Variants in RFX6 observed in about 807,000 individuals in gnomAD.
RFX6 encodes DNA-binding protein RFX6.
In RFX6, 50 loss-of-function variants were observed where a neutral mutation model predicts 110.8. That is an observed-to-expected ratio of 0.45 (90% CI 0.36 to 0.57). RFX6 has a LOEUF of 0.57. RFX6 is among the 20% of genes least tolerant of loss of function. The pLI is 0.00. For synonymous variants in RFX6, 383 were observed against 411.2 expected (o/e 0.93, Z 0.83); for missense variants, 990 against 1,127.0 (o/e 0.88, Z 1.74).
intron 4 of RFX6, among the ~76,000 whole-genome samples, chr6:116,892,042 TC>T (rs1424778719): frequency 1.3e-5 from 2 of 152,228 alleles, no homozygotes; most frequent in African/African-American, 4.8e-5. Context: ...GAAAACATCT[TC>T]CCAGTCTTCC....
intron 4 of RFX6, among the ~76,000 whole-genome samples, chr6:116,886,933 C>T (rs756943588): frequency 3.3e-5 from 5 of 151,666 alleles, no homozygotes; most frequent in Admixed American, 6.6e-5. Context: ...CGTGGTGGTG[C>T]GCACCTGTAG....
chr6:116,923,330 C>A, intron 14 of RFX6, 106 bp downstream of exon 14: 1 of 761,848 alleles, frequency 1.3e-6, no homozygotes, highest in South Asian at 1.4e-5. Context: ...ACTTCTTAAA[C>A]TGTATCTGAA....
At position 116,894,053 on chromosome 6, in the gene RFX6, G is replaced by C. The variant is rs1169259295; in HGVS notation, c.633G>C (p.Lys211Asn). The change falls in exon 5 of 19, where the codon AAG (lysine) becomes AAC (asparagine). Residue 211 changes from lysine to asparagine, a missense_variant. Lys to Asn is a moderately conservative substitution (Grantham distance 94). Around this residue, in one of 5 missense-constraint regions of RFX6, gnomAD observed 243 missense variants for 353.1 expected, o/e 0.69. Coordinates refer to ENST00000332958, the MANE Select transcript of RFX6 (RefSeq NM_173560.4). ...SAYYHSVYSG[K>N]GLTRFSGSKL... ...ATTACCACTCCGTTTATTCTGGAAA[G>C]GGCTTGACAAGGTAGAGTTACACCA... 1 of 1,583,098 alleles carries C rather than the reference G, an allele frequency of 6.3e-7. No homozygotes were observed. The highest frequency in any genetic ancestry group is 1.7e-5 in the Admixed American group (1 of 59,940).
chr6:116,914,004 A>T (rs1401298381), intron 7 of RFX6, among the ~76,000 whole-genome samples: 1 of 152,180 alleles, frequency 6.6e-6, no homozygotes, highest in Non-Finnish European at 1.5e-5. Flanking sequence ...CACCCTACAG[A>T]TCTATCCAAC....
intron 15 of RFX6, 85 bp downstream of exon 15, chr6:116,924,876 G>A: frequency 2.0e-6 from 2 of 983,574 alleles, no homozygotes; most frequent in East Asian, 2.5e-5. Context: ...TATTAAGTGG[G>A]TTTATCATAA....
intron 9 of RFX6, among the ~76,000 whole-genome samples, chr6:116,917,625 T>A (rs967412049): frequency 6.6e-6 from 1 of 152,112 alleles, no homozygotes; most frequent in Admixed American, 6.6e-5. Flanking sequence ...ATCCTGACTT[T>A]AAATATCTTT....
intron 14 of RFX6, 90 bp downstream of exon 14, chr6:116,923,314 A>G (rs1582535916): frequency 3.8e-6 from 3 of 780,742 alleles, no homozygotes; most frequent in East Asian, 4.9e-5. Context: ...AACATGTTAC[A>G]TCATCACTTC....
intron 2 of RFX6, among the ~76,000 whole-genome samples, chr6:116,878,485 A>G (rs1774516650): frequency 6.6e-6 from 1 of 152,142 alleles, no homozygotes; most frequent in Admixed American, 6.5e-5. Context: ...AACTATTTTT[A>G]TACCATCTAT....
At chr6:116,895,327 T>C (rs1774920533) in intron 6 of RFX6, 120 bp downstream of exon 6, 2 of 621,474 alleles carry the variant, frequency 3.2e-6, no homozygotes, top group African/African-American at 3.7e-5. Flanking sequence ...TAGGAATTCC[T>C]TGACGAAGGA....
chr6:116,929,456 T>G (rs1452301516), intron 18 of RFX6, among the ~76,000 whole-genome samples: 1 of 152,150 alleles, frequency 6.6e-6, no homozygotes, highest in Non-Finnish European at 1.5e-5. Context: ...TTCTCATTCT[T>G]ATGTAAAATG....
At chr6:116,913,719 T>A (rs1308305406) in intron 7 of RFX6, among the ~76,000 whole-genome samples, 1 of 152,244 alleles carries the variant, frequency 6.6e-6, no homozygotes, top group Non-Finnish European at 1.5e-5. Flanking sequence ...ATAAATTTTG[T>A]AACAAGTAGA....
intron 4 of RFX6, 33 bp from the exon 5 acceptor site, chr6:116,893,954 C>G: frequency 7.5e-7 from 1 of 1,328,644 alleles, no homozygotes; most frequent in East Asian, 2.3e-5. Flanking sequence ...ATCTCCTTCA[C>G]TAACACAGAG....
chr6:116,898,002 G>C (rs1204395027), intron 6 of RFX6, among the ~76,000 whole-genome samples: 1 of 152,116 alleles, frequency 6.6e-6, no homozygotes, highest in Non-Finnish European at 1.5e-5. Context: ...AAAAAAAGTT[G>C]TGAAAAGTGA....
intron 6 of RFX6, among the ~76,000 whole-genome samples, chr6:116,906,116 C>T (rs1775196607): frequency 6.6e-6 from 1 of 152,122 alleles, no homozygotes; most frequent in Non-Finnish European, 1.5e-5. Flanking sequence ...ACTGTCCTTT[C>T]CCCATAGAAT....
At chr6:116,913,441 G>A (rs1161035400) in intron 7 of RFX6, among the ~76,000 whole-genome samples, 1 of 152,142 alleles carries the variant, frequency 6.6e-6, no homozygotes, top group Non-Finnish European at 1.5e-5. Context: ...GAGAAGCTGG[G>A]GGCCTGCTAC....
Position 116,918,064 on chromosome 6 carries a change from A to G in RFX6, c.1000A>G (p.Thr334Ala). ...KVLTDVLIPA[T>A]MQEMPESLLA... ...TCTTACAGATGTACTCATTCCTGCA[A>G]CAATGCAAGAAATGCCTGAAAGGTA... is the stretch of plus-strand genomic sequence containing the variant. Residue 334 changes from threonine to alanine, a missense_variant, in exon 10 of 19, where the codon ACA becomes GCA. Transcript: ENST00000332958. The G allele has an allele frequency of 6.2e-7, 1 of 1,609,112 alleles. No homozygotes were observed. The highest frequency in any genetic ancestry group is 8.5e-7 in the Non-Finnish European group (1 of 1,176,488).
At position 116,916,019 on chromosome 6, in the gene RFX6, C is replaced by A; in HGVS notation, c.792C>A (p.Leu264=). The A allele has an allele frequency of 1.9e-6, 3 of 1,608,836 alleles. No individual in the cohort carries two copies. In the South Asian group the frequency reaches 3.3e-5, roughly 18 times the overall value. ...CTTCCTTGAAATAGGTTGATACGCTCATAATGATGTACAAAACTCACTGCC... is the reference window on the plus strand; with the variant it reads ...CTTCCTTGAAATAGGTTGATACGCTAATAATGATGTACAAAACTCACTGCC... ...GCISKDKVDT[L]IMMYKTHCQC... The change falls in exon 8 of 19, where the codon CTC becomes CTA. Residue 264 remains leucine, a synonymous_variant. Coordinates refer to ENST00000332958, the MANE Select transcript of RFX6 (RefSeq NM_173560.4).
In RFX6 at chr6:116,877,385, T is replaced by G. The variant is rs747396684; in HGVS notation, c.110T>G (p.Leu37Trp). The G allele has an allele frequency of 6.2e-6, 10 of 1,609,854 alleles. No homozygotes were observed. The highest frequency in any genetic ancestry group is 2.7e-5 in the African/African-American group (2 of 74,804). ...TGTGTGCAGCTCCTGGGCAAGGGCT[T>G]GCTAGTCTATCCGGAAGAAACAGTG... ...DCCVQLLGKGLLVYPEETVYL... is the reference protein window; with the variant it reads ...DCCVQLLGKGWLVYPEETVYL... Residue 37 changes from leucine (L) to tryptophan (W), a missense_variant, in exon 1 of 19, where the codon TTG becomes TGG. Transcript: ENST00000332958.
rs1364850676 is a variant in RFX6, at chr6:116,911,014, T to C, written c.752T>C (p.Val251Ala). The C allele has an allele frequency of 6.2e-7, 1 of 1,611,762 alleles. No individual in the cohort carries two copies. Among genetic ancestry groups the C allele is most frequent in the African/African-American group, 1.3e-5 (1 of 74,872 alleles). Residue 251 changes from valine (V) to alanine (A), a missense_variant, in exon 7 of 19, where the codon GTA (valine) becomes GCA (alanine). This residue lies in a region of RFX6 where 243 missense variants were observed against 353.1 expected (regional missense o/e 0.69). Transcript: ENST00000332958. ...LPEFPSAQHL[V>A]YQGCISKDKV... ...GAATTCCCCAGCGCTCAACACCTTG[T>C]ATACCAAGGATGCATTTCTAAGGAC...
Sources: allele counts gnomAD v4.1 joint callset (sites outside exome capture counted in the v4.1 genomes callset), GRCh38; gene constraint gnomAD v4.1.1; regional missense constraint gnomAD v4.1.1; transcripts MANE v1.5; gene names NCBI Gene and HGNC (gene_info 2026-07-23, HGNC 2026-07-21).